Variants in REDIC1 observed in about 807,000 individuals in gnomAD.
REDIC1 encodes regulator of DNA class I crossover intermediates 1, also known as HEI10 Interacting Protein 1.
At chr12:39,781,222 C>T in the REDIC1 span, among the ~76,000 whole-genome samples, 2 of 152,192 alleles carry the variant, frequency 1.3e-5, no homozygotes, top group African/African-American at 4.8e-5. Flanking sequence ...GAGTTTTCTA[C>T]CAGTTCGGTG....
the REDIC1 span, among the ~76,000 whole-genome samples, chr12:39,703,130 G>A: frequency 6.6e-6 from 1 of 152,330 alleles, no homozygotes; most frequent in Admixed American, 6.5e-5. Context: ...ATTAGGAAAA[G>A]AGGAAGCCAA....
chr12:39,669,807 G>C, the REDIC1 span, among the ~76,000 whole-genome samples: 1 of 152,216 alleles, frequency 6.6e-6, no homozygotes. Context: ...AGACTGCTGT[G>C]CTAGCTATGA....
chr12:39,699,537 A>G, the REDIC1 span, among the ~76,000 whole-genome samples: 1 of 152,204 alleles, frequency 6.6e-6, no homozygotes, highest in Non-Finnish European at 1.5e-5. Context: ...GGCGCCCGCC[A>G]TTGCCCAGGC....
At chr12:39,718,103 T>C in the REDIC1 span, among the ~76,000 whole-genome samples, 1 of 152,230 alleles carries the variant, frequency 6.6e-6, no homozygotes, top group Non-Finnish European at 1.5e-5. Context: ...TTGATGATGT[T>C]CATGGCTTTT....
chr12:39,654,425 A>C, the REDIC1 span, among the ~76,000 whole-genome samples: 1 of 152,074 alleles, frequency 6.6e-6, no homozygotes, highest in Non-Finnish European at 1.5e-5. Flanking sequence ...GTCTCTACTA[A>C]AAATACAAAA....
the REDIC1 span, among the ~76,000 whole-genome samples, chr12:39,699,777 C>G: frequency 6.6e-6 from 1 of 152,216 alleles, no homozygotes; most frequent in African/African-American, 2.4e-5. Flanking sequence ...TCAAGTGGGT[C>G]CCTGACCCCT....
the REDIC1 span, among the ~76,000 whole-genome samples, chr12:39,658,682 A>G: frequency 6.6e-6 from 1 of 152,070 alleles, no homozygotes; most frequent in Admixed American, 6.6e-5. Flanking sequence ...CTTTTATTTA[A>G]GTATTTTTAT....
At chr12:39,701,732 A>G in the REDIC1 span, among the ~76,000 whole-genome samples, 7 of 152,224 alleles carry the variant, frequency 4.6e-5, no homozygotes, top group African/African-American at 1.7e-4. Context: ...AAACTATAAC[A>G]AATGGTCTCT....
chr12:39,896,391 T>C, the REDIC1 span, among the ~76,000 whole-genome samples: 1 of 141,502 alleles, frequency 7.1e-6, no homozygotes, highest in East Asian at 2.0e-4. Flanking sequence ...TATGTATATG[T>C]GTATATATGT....
chr12:39,658,590 T>A, the REDIC1 span, among the ~76,000 whole-genome samples: 1 of 152,230 alleles, frequency 6.6e-6, no homozygotes, highest in Non-Finnish European at 1.5e-5. Flanking sequence ...TGGTTTACAT[T>A]TAATATGACA....
chr12:39,873,962 G>A, the REDIC1 span, among the ~76,000 whole-genome samples: 1 of 152,138 alleles, frequency 6.6e-6, no homozygotes, highest in Non-Finnish European at 1.5e-5. Context: ...TAGTGTATAA[G>A]CTATGTGAAT....
At chr12:39,753,763 T>A in the REDIC1 span, among the ~76,000 whole-genome samples, 2 of 152,186 alleles carry the variant, frequency 1.3e-5, no homozygotes, top group South Asian at 2.1e-4. Context: ...TATATGCTAC[T>A]GCTCTACTTG....
At chr12:39,826,854 A>ATTTTTT in the REDIC1 span, among the ~76,000 whole-genome samples, 14 of 67,390 alleles carry the variant, frequency 2.1e-4, 3 homozygotes, top group South Asian at 5.2e-4. Flanking sequence ...GTCTCTTTCA[A>ATTTTTT]TTTTTTTTTT....
the REDIC1 span, among the ~76,000 whole-genome samples, chr12:39,649,765 C>A: frequency 6.6e-6 from 1 of 151,964 alleles, no homozygotes; most frequent in Non-Finnish European, 1.5e-5. Context: ...ATCTTCTTTT[C>A]ACAATAGTCT....
chr12:39,747,501 T>G, the REDIC1 span, among the ~76,000 whole-genome samples: 1 of 152,234 alleles, frequency 6.6e-6, no homozygotes, highest in Non-Finnish European at 1.5e-5. Context: ...GAAAACACTC[T>G]GCAGGATATT....
At chr12:39,777,170 C>T in the REDIC1 span, among the ~76,000 whole-genome samples, 2 of 152,076 alleles carry the variant, frequency 1.3e-5, no homozygotes, top group Non-Finnish European at 2.9e-5. Context: ...CCTTTCTTCC[C>T]GCTTCCTTTT....
chr12:39,840,556 A>T, the REDIC1 span, among the ~76,000 whole-genome samples: 1 of 151,876 alleles, frequency 6.6e-6, no homozygotes, highest in Non-Finnish European at 1.5e-5. Flanking sequence ...AGAATATGAC[A>T]TGCTCTCATG....
chr12:39,729,917 CCTT>C, the REDIC1 span, among the ~76,000 whole-genome samples: 1 of 152,100 alleles, frequency 6.6e-6, no homozygotes, highest in Admixed American at 6.5e-5. Context: ...TATGTAATGT[CCTT>C]CTTTCTCTTT....
the REDIC1 span, among the ~76,000 whole-genome samples, chr12:39,705,131 A>G: frequency 1.3e-5 from 2 of 151,950 alleles, no homozygotes; most frequent in Non-Finnish European, 2.9e-5. Context: ...TGAAAAAGGA[A>G]CATAATAGCT....
Sources: gnomAD v4.1 joint callset for allele counts (sites outside exome capture counted in the v4.1 genomes callset) on GRCh38, gnomAD v4.1.1 for gene constraint, MANE v1.5 for transcripts, NCBI Gene and HGNC (gene_info 2026-07-23, HGNC 2026-07-21) for gene names.